Variants in RABGGTA observed in about 807,000 individuals in gnomAD.
RABGGTA encodes geranylgeranyl transferase type-2 subunit alpha.
Under a neutral mutation model 83.3 loss-of-function variants are expected in RABGGTA, and 69 were observed. The ratio of observed to expected loss-of-function variants is 0.83; its 90% confidence interval spans 0.68 to 1.01. The LOEUF (loss-of-function observed/expected upper bound fraction) is 1.01. Among genes scored for constraint, RABGGTA ranks in the 50% least tolerant of loss-of-function variants. The pLI, the probability that RABGGTA is intolerant of heterozygous loss-of-function variation, is 0.00. For synonymous variants in RABGGTA, 310 were observed against 299.8 expected (o/e 1.03, Z -0.35); for missense variants, 681 against 712.7 (o/e 0.96, Z 0.51).
chr14:24,266,988 C>T (rs1261895991), intron 14 of RABGGTA, 99 bp from the exon 15 acceptor site: 4 of 894,240 alleles, frequency 4.5e-6, no homozygotes, highest in Non-Finnish European at 7.2e-6. Flanking sequence ...CTGTGCCCCA[C>T]AGGCCCTTGG....
rs748006880 is a variant in RABGGTA, at chr14:24,270,488, CAT to C, written c.115-32_115-31del. On this transcript the variant is annotated intron_variant, in intron 3 of 16. Transcript: ENST00000216840. ...GAAGATAGGTGGCAGGGTTAGAGAT[CAT>C]ATAATTTTCCCACTACAGGACTAAA... 37 of 1,612,636 alleles carry C rather than the reference CAT, an allele frequency of 2.3e-5. No homozygotes were observed. In the African/African-American group the frequency reaches 4.0e-4, roughly 17 times the overall value.
chr14:24,267,727 A>T lies in RABGGTA; in HGVS notation c.1286T>A (p.Phe429Tyr). The T allele has an allele frequency of 6.2e-7, 1 of 1,612,114 alleles. No homozygotes were observed. Among genetic ancestry groups the T allele is most frequent in the South Asian group, 1.1e-5 (1 of 91,002 alleles). ...CTTGAGCACGCTATTCTCCAGCAAG[A>T]ACTTGCTGCGCAGGTCATCCAGATA... ...ATYLDDLRSK[F>Y]LLENSVLKME... The change falls in exon 14 of 17, where the codon TTC becomes TAC. Residue 429 changes from phenylalanine to tyrosine, a missense_variant. This residue lies in a region of RABGGTA where 421 missense variants were observed against 418.5 expected (regional missense o/e 1.01). Coordinates refer to ENST00000216840, the MANE Select transcript of RABGGTA (RefSeq NM_182836.3).
chr14:24,270,085 A>T lies in RABGGTA; in HGVS notation c.295T>A (p.Cys99Ser). Reference sequence around the variant, plus strand: ...TAAGACTTGGGGTTCACCCGCAGGCAGCTCTCCAGGAAGCCCAGTTCTGCC... The same window carrying T: ...TAAGACTTGGGGTTCACCCGCAGGCTGCTCTCCAGGAAGCCCAGTTCTGCC... The part of the protein sequence containing the change: ...VKAELGFLES[C>S]LRVNPKSYGT... Residue 99 changes from cysteine (C) to serine (S), a missense_variant, in exon 5 of 17, where the codon TGC becomes AGC. Physicochemically the swap from Cys to Ser is moderately radical, Grantham distance 112 (BLOSUM62 -1). Transcript: ENST00000216840. 1 of 1,611,270 alleles carries T rather than the reference A, an allele frequency of 6.2e-7. No individual in the cohort carries two copies. Among genetic ancestry groups the T allele is most frequent in the South Asian group, 1.1e-5 (1 of 90,546 alleles).
chr14:24,269,196 C>T (rs1435727445), intron 6 of RABGGTA, 33 bp from the exon 7 acceptor site: 2 of 1,582,170 alleles, frequency 1.3e-6, no homozygotes, highest in Non-Finnish European at 1.7e-6. Flanking sequence ...GGGCTGTGGT[C>T]AGGACACTGG....
At position 24,270,188 on chromosome 14, in the gene RABGGTA, C is replaced by T. The variant is rs1287673812; in HGVS notation, c.240-48G>A. The T allele has an allele frequency of 3.2e-6, 5 of 1,566,766 alleles. No homozygotes were observed. The South Asian group carries it at 5.8e-5, about 18-fold the overall frequency. On this transcript the variant is annotated intron_variant, in intron 4 of 16. Coordinates refer to ENST00000216840, the MANE Select transcript of RABGGTA (RefSeq NM_182836.3). ...GGGTCAGGGCTCTCCTACAGTCAAC[C>T]TCAGCTCACCCCTCACTTTCTGCAC... is the stretch of plus-strand genomic sequence containing the variant.
At chr14:24,267,617 A>G (rs779885806) in intron 14 of RABGGTA, 43 bp downstream of exon 14, 1 of 1,519,900 alleles carries the variant, frequency 6.6e-7, no homozygotes, top group Admixed American at 1.8e-5. Context: ...TGGGGAGGCC[A>G]GCGGGATGAG....
At chr14:24,265,890 G>A (rs1220199437) in intron 16 of RABGGTA, 127 bp from the exon 17 acceptor site, 1 of 1,399,878 alleles carries the variant, frequency 7.1e-7, no homozygotes, top group Admixed American at 2.8e-5. Flanking sequence ...CTCCCTGGAG[G>A]GAGTCAGGCT....
In RABGGTA at chr14:24,269,703, G is replaced by A. The variant is rs754981514; in HGVS notation, c.428-9C>T. On this transcript the variant is annotated splice_polypyrimidine_tract_variant and intron_variant, in intron 5 of 16. Coordinates refer to ENST00000216840, the MANE Select transcript of RABGGTA (RefSeq NM_182836.3). ...ATAGTCCCAGCAGTGAACTGGAGGGGAGAGGTGACAGCATATCTTAGAGGC... is the reference window on the plus strand; with the variant it reads ...ATAGTCCCAGCAGTGAACTGGAGGGAAGAGGTGACAGCATATCTTAGAGGC... 4.3e-6 allele frequency: 7 copies of A among 1,613,270 alleles called. No individual in the cohort carries two copies. The highest frequency in any genetic ancestry group is 4.0e-5 in the African/African-American group (3 of 74,908).
At chr14:24,267,028 T>G in intron 14 of RABGGTA, 139 bp from the exon 15 acceptor site, 1 of 656,200 alleles carries the variant, frequency 1.5e-6, no homozygotes, top group Non-Finnish European at 2.8e-6. Flanking sequence ...GATGGGAGCA[T>G]GTGGGAAGCT....
chr14:24,267,915 G>A lies in RABGGTA; in HGVS notation c.1191C>T (p.Pro397=), dbSNP rs2040894516. The change falls in exon 13 of 17, where the codon CCC becomes CCT. Residue 397 remains proline (P), a synonymous_variant. Coordinates refer to ENST00000216840, the MANE Select transcript of RABGGTA (RefSeq NM_182836.3). ...TIILLMRALD[P]LLYEKETLQY... ...GCAGGGTCTCCTTCTCATACAGCAGGGGGTCCAGTGCCCGCATCAGCAGGA... is the reference window on the plus strand; with the variant it reads ...GCAGGGTCTCCTTCTCATACAGCAGAGGGTCCAGTGCCCGCATCAGCAGGA... The A allele has an allele frequency of 6.2e-7, 1 of 1,613,830 alleles. No individual in the cohort carries two copies. The highest frequency in any genetic ancestry group is 2.2e-5 in the East Asian group (1 of 44,874).
At position 24,266,499 on chromosome 14, in the gene RABGGTA, T is replaced by C. The variant is rs1177717821; in HGVS notation, c.1486A>G (p.Asn496Asp). 1 of 1,613,946 alleles carries C rather than the reference T, an allele frequency of 6.2e-7. No individual in the cohort carries two copies. The highest frequency in any genetic ancestry group is 2.2e-5 in the East Asian group (1 of 44,884). Residue 496 changes from asparagine (N) to aspartate (D), a missense_variant, in exon 16 of 17, where the codon AAT (asparagine) becomes GAT (aspartate). Coordinates refer to ENST00000216840, the MANE Select transcript of RABGGTA (RefSeq NM_182836.3). ...ACGCCGTCCAGGGACTCTATGGCAT[T>C]ATCACTGGCCTGCAGCACCTGGGGG... ...RCLEVLQASDNAIESLDGVTN... is the reference protein window; with the variant it reads ...RCLEVLQASDDAIESLDGVTN...
rs2040899112 is a variant in RABGGTA at position 24,268,275 on chromosome 14, G to A, written c.1059-77C>T. ...GGTCAACATTCCCAGTATCTAGACT[G>A]AAACAGCTCCTTGAGGCCCCAGCCT... On this transcript the variant is annotated intron_variant, in intron 11 of 16. Transcript: ENST00000216840. 7.5e-6 allele frequency: 12 copies of A among 1,606,792 alleles called. No individual in the cohort carries two copies. In the East Asian group the frequency reaches 2.7e-4, roughly 36 times the overall value.
At chr14:24,268,018 C>T (rs1054461612) in intron 12 of RABGGTA, 60 bp from the exon 13 acceptor site, 4 of 1,602,356 alleles carry the variant, frequency 2.5e-6, no homozygotes, top group Admixed American at 1.7e-5. Context: ...TCCCATCCTC[C>T]TGAGGCCTTC....
Position 24,270,371 on chromosome 14 carries a change from A to C in RABGGTA, c.202T>G (p.Cys68Gly). The C allele has an allele frequency of 6.2e-7, 1 of 1,614,012 alleles. No individual in the cohort carries two copies. Among genetic ancestry groups the C allele is most frequent in the African/African-American group, 1.3e-5 (1 of 75,070 alleles). ...ANPDFATLWNCRREVLQQLET... is the reference protein window; with the variant it reads ...ANPDFATLWNGRREVLQQLET... The stretch of plus-strand genomic sequence containing the variant: ...AGCTGCTGGAGCACCTCTCGTCGGC[A>C]GTTCCAGAGGGTGGCAAAATCAGGG... The change falls in exon 4 of 17, where the codon TGC (cysteine) becomes GGC (glycine). Residue 68 changes from cysteine (C) to glycine (G), a missense_variant. By Grantham distance (159) the Cys-to-Gly change is radical. This residue lies in a region of RABGGTA where 115 missense variants were observed against 111.5 expected (regional missense o/e 1.03). Transcript: ENST00000216840.
intron 2 of RABGGTA, 66 bp from the exon 3 acceptor site, chr14:24,271,013 C>T: frequency 1.2e-6 from 2 of 1,601,690 alleles, no homozygotes; most frequent in Non-Finnish European, 1.7e-6. Context: ...AAAAACCCCA[C>T]ACTGTGGAGC....
chr14:24,270,165 G>A (rs746533897), intron 4 of RABGGTA, 25 bp from the exon 5 acceptor site: 30 of 1,590,298 alleles, frequency 1.9e-5, no homozygotes, highest in Non-Finnish European at 2.2e-5. Flanking sequence ...GAAGGGGGGG[G>A]TCAGGGCTCT....
rs749408056 is a variant in RABGGTA, at chr14:24,269,632, G to A, written c.490C>T (p.Leu164=). 11 of 1,614,004 alleles carry A rather than the reference G, an allele frequency of 6.8e-6. No homozygotes were observed. The highest frequency in any genetic ancestry group is 5.9e-6 in the Non-Finnish European group (7 of 1,179,872). ...TQAAVPPAEE[L]AFTDSLITRN... Reference sequence around the variant, plus strand: ...GTGATGAGGCTGTCAGTGAAGGCTAGCTCTTCTGCAGGGGGCACGGCTGCC... The same window carrying A: ...GTGATGAGGCTGTCAGTGAAGGCTAACTCTTCTGCAGGGGGCACGGCTGCC... The change falls in exon 6 of 17, where the codon CTA becomes TTA. Residue 164 remains leucine, a synonymous_variant. Coordinates refer to ENST00000216840, the MANE Select transcript of RABGGTA (RefSeq NM_182836.3).
In RABGGTA at chr14:24,270,478, G is replaced by A. The variant is rs373640937; in HGVS notation, c.115-20C>T. 17 of 1,613,284 alleles carry A rather than the reference G, an allele frequency of 1.1e-5. No individual in the cohort carries two copies. The highest frequency in any genetic ancestry group is 1.4e-5 in the Non-Finnish European group (17 of 1,179,370). The stretch of plus-strand genomic sequence containing the variant: ...CTGGCGCTAAGAAGATAGGTGGCAG[G>A]GTTAGAGATCATATAATTTTCCCAC... On this transcript the variant is annotated intron_variant, in intron 3 of 16. Transcript: ENST00000216840.
Position 24,270,853 on chromosome 14 carries a change from T to C in RABGGTA, c.98A>G (p.Gln33Arg), listed in dbSNP as rs750808570. ...QKLKLYQSAT[Q>R]AVFQKRQAGE... ...GGGCCCCACCTTCTGGAATACGGCC[T>C]GGGTGGCTGACTGGTATAGCTTCAG... The change falls in exon 3 of 17, where the codon CAG becomes CGG. Residue 33 changes from glutamine (Q) to arginine (R), a missense_variant. Gln to Arg is a conservative substitution (Grantham distance 43). This residue lies in a region of RABGGTA where 115 missense variants were observed against 111.5 expected (regional missense o/e 1.03). Transcript: ENST00000216840. 5 of 1,613,796 alleles carry C rather than the reference T, an allele frequency of 3.1e-6. No homozygotes were observed. The highest frequency in any genetic ancestry group is 3.4e-6 in the Non-Finnish European group (4 of 1,179,838).
Sources: gnomAD v4.1 joint callset for allele counts on GRCh38, gnomAD v4.1.1 for gene constraint, gnomAD v4.1.1 regional missense constraint, MANE v1.5 for transcripts, NCBI Gene and HGNC (gene_info 2026-07-23, HGNC 2026-07-21) for gene names.